The following SLC9A9 variants were observed in gnomAD, a reference collection of about 807,000 sequenced individuals.
SLC9A9 encodes sodium/hydrogen exchanger 9.
SLC9A9 carries 62 observed loss-of-function variants against 77.8 expected under a neutral mutation model. The observed-to-expected ratio is 0.80, with a 90% CI of 0.65 to 0.98. The LOEUF is 0.98. SLC9A9 is among the 50% of genes least tolerant of loss of function. SLC9A9 has a pLI of 0.00. For synonymous variants in SLC9A9, 320 were observed against 283.5 expected (o/e 1.13, Z -1.29); for missense variants, 775 against 774.9 (o/e 1.00, Z 0.00).
chr3:143,777,804 T>A (rs2007741421), intron 4 of SLC9A9, among the ~76,000 whole-genome samples: 1 of 149,580 alleles, frequency 6.7e-6, no homozygotes. Flanking sequence ...AACCTCAGCC[T>A]CCCGGGTTCA....
intron 14 of SLC9A9, among the ~76,000 whole-genome samples, chr3:143,311,241 T>A (rs917727921): frequency 1.3e-5 from 2 of 152,198 alleles, no homozygotes; most frequent in African/African-American, 4.8e-5. Flanking sequence ...GTAAGAGTGT[T>A]TATACTTTAG....
rs753113308 is a variant in SLC9A9, at chr3:143,495,332, T to C, written c.1203+3A>G. ...ACCCCATGTTCTGTATTTCAAAGGA[T>C]ACAAAGGCTCCAAGTATAAAAAGAG... On this transcript the variant is annotated splice_donor_region_variant and intron_variant, in intron 10 of 15. Coordinates refer to ENST00000316549, the MANE Select transcript of SLC9A9 (RefSeq NM_173653.4). 32 of 1,604,462 alleles carry C rather than the reference T, an allele frequency of 2.0e-5. 1 individual carries two copies. The South Asian group carries it at 3.3e-4, about 17-fold the overall frequency.
rs565471398 is a variant in SLC9A9, at chr3:143,784,671, T to C, written c.533+10330A>G. On this transcript the variant is annotated intron_variant, in intron 4 of 15. Transcript: ENST00000316549. ...ACCAAACCCAGTCCTGAGTCATATTTTCTAATGCAAGTTCTTACCTTGATA... is the reference window on the plus strand; with the variant it reads ...ACCAAACCCAGTCCTGAGTCATATTCTCTAATGCAAGTTCTTACCTTGATA... Among the ~76,000 whole-genome samples the C allele has an allele frequency of 8.5e-5, 13 of 152,210 alleles. No homozygotes were observed. The South Asian group carries it at 2.7e-3, about 32-fold the overall frequency.
chr3:143,344,002 A>G (rs1309163537), intron 14 of SLC9A9, among the ~76,000 whole-genome samples: 1 of 152,218 alleles, frequency 6.6e-6, no homozygotes, highest in Non-Finnish European at 1.5e-5. Context: ...ATAAAATATT[A>G]TTTACAAAGG....
intron 13 of SLC9A9, among the ~76,000 whole-genome samples, chr3:143,377,363 G>T (rs1215105969): frequency 6.6e-6 from 1 of 152,130 alleles, no homozygotes. Context: ...ATACTTTGTT[G>T]TGCCCCTTCG....
chr3:143,648,920 T>C (rs1458617494), intron 6 of SLC9A9, among the ~76,000 whole-genome samples: 1 of 152,158 alleles, frequency 6.6e-6, no homozygotes, highest in Non-Finnish European at 1.5e-5. Context: ...AAGAGGGCGC[T>C]AACCATGAAG....
At chr3:143,520,230 A>G (rs1180927118) in intron 9 of SLC9A9, among the ~76,000 whole-genome samples, 1 of 152,194 alleles carries the variant, frequency 6.6e-6, no homozygotes, top group Non-Finnish European at 1.5e-5. Context: ...ACTAATCCCT[A>G]CTGTGATGGT....
chr3:143,843,543 T>A (rs181596253), intron 1 of SLC9A9, among the ~76,000 whole-genome samples: 337 of 152,324 alleles, frequency 2.2e-3, no homozygotes, highest in African/African-American at 7.3e-3. Context: ...AAATTTGTTA[T>A]GTGCCCACTA....
intron 9 of SLC9A9, among the ~76,000 whole-genome samples, chr3:143,524,875 A>G (rs1299398201): frequency 6.6e-6 from 1 of 152,168 alleles, no homozygotes; most frequent in Non-Finnish European, 1.5e-5. Flanking sequence ...TTCTTTGTAC[A>G]TGTCTATTTC....
chr3:143,841,839 C>A (rs945171403), intron 1 of SLC9A9, among the ~76,000 whole-genome samples: 1 of 151,902 alleles, frequency 6.6e-6, no homozygotes, highest in Non-Finnish European at 1.5e-5. Context: ...CTGCAACCTC[C>A]GCATCCTGAG....
At chr3:143,698,833 T>C (rs138246619) in intron 4 of SLC9A9, among the ~76,000 whole-genome samples, 2 of 152,330 alleles carry the variant, frequency 1.3e-5, no homozygotes, top group African/African-American at 4.8e-5. Flanking sequence ...TCCCATTAAC[T>C]GTCAGAAAAG....
chr3:143,636,724 T>C (rs899112050), intron 6 of SLC9A9, among the ~76,000 whole-genome samples: 2 of 152,204 alleles, frequency 1.3e-5, no homozygotes, highest in African/African-American at 2.4e-5. Flanking sequence ...TAAACAGAAG[T>C]GCAAAGCACT....
intron 13 of SLC9A9, among the ~76,000 whole-genome samples, chr3:143,369,346 G>C (rs2032990771): frequency 6.6e-6 from 1 of 152,254 alleles, no homozygotes; most frequent in East Asian, 1.9e-4. Flanking sequence ...GGCTGGGAAG[G>C]GTAGTTGTGA....
chr3:143,621,663 G>GA (rs1246397530), intron 6 of SLC9A9, among the ~76,000 whole-genome samples: 1 of 152,124 alleles, frequency 6.6e-6, no homozygotes, highest in African/African-American at 2.4e-5. Context: ...CAAAGATGGG[G>GA]AAAAAACAGA....
chr3:143,816,825 T>G lies in SLC9A9; in HGVS notation c.378+15194A>C, dbSNP rs371767977. On this transcript the variant is annotated intron_variant, in intron 2 of 15. Transcript: ENST00000316549. ...TAGCCAATACTTAGTATTGACAAAT[T>G]TCTAATTTTTGGCAATCTGGTAAGC... Among the ~76,000 whole-genome samples the G allele has an allele frequency of 3.9e-5, 6 of 152,326 alleles. No individual in the cohort carries two copies. The South Asian group carries it at 1.2e-3, about 32-fold the overall frequency.
intron 12 of SLC9A9, among the ~76,000 whole-genome samples, chr3:143,431,812 C>T (rs1166255041): frequency 6.6e-6 from 1 of 152,100 alleles, no homozygotes; most frequent in Non-Finnish European, 1.5e-5. Context: ...AAACTCAGCC[C>T]CTCCTACTCT....
rs372491448 is a variant in SLC9A9 at position 143,832,031 on chromosome 3, A to G, written c.366T>C (p.Ala122=). Residue 122 remains alanine (A), a synonymous_variant, in exon 2 of 16, where the codon GCT becomes GCC. Coordinates refer to ENST00000316549, the MANE Select transcript of SLC9A9 (RefSeq NM_173653.4). Reference sequence around the variant, plus strand: ...ACAGGATCCTTACCTTTTCAAGTATAGCATTTCCTTGATGAGGATTGATGT... The same window carrying G: ...ACAGGATCCTTACCTTTTCAAGTATGGCATTTCCTTGATGAGGATTGATGT... ...QHNINPHQGN[A]ILEKMTFDPE... is the part of the protein sequence containing the mutation. 2.0e-5 allele frequency: 33 copies of G among 1,611,958 alleles called. No homozygotes were observed. The highest frequency in any genetic ancestry group is 1.7e-4 in the Middle Eastern group (1 of 6,046).
intron 14 of SLC9A9, among the ~76,000 whole-genome samples, chr3:143,295,512 G>A (rs2030225180): frequency 6.6e-6 from 1 of 152,158 alleles, no homozygotes; most frequent in Non-Finnish European, 1.5e-5. Flanking sequence ...GAACAAGAAT[G>A]GTGTGGAGAT....
At chr3:143,814,654 A>G (rs573882649) in intron 2 of SLC9A9, among the ~76,000 whole-genome samples, 1 of 152,194 alleles carries the variant, frequency 6.6e-6, no homozygotes, top group Non-Finnish European at 1.5e-5. Flanking sequence ...AATTTTCCCC[A>G]GTCATTGACT....
Sources: gnomAD v4.1 joint callset for allele counts (sites outside exome capture counted in the v4.1 genomes callset) on GRCh38, gnomAD v4.1.1 for gene constraint, MANE v1.5 for transcripts, NCBI Gene and HGNC (gene_info 2026-07-23, HGNC 2026-07-21) for gene names.